UBE2H: variants seen among roughly 807,000 people sequenced by gnomAD.
UBE2H encodes ubiquitin conjugating enzyme E2 H.
UBE2H carries 3 observed loss-of-function variants against 29.0 expected under a neutral mutation model. The observed-to-expected ratio is 0.10, with a 90% CI of 0.05 to 0.27. The LOEUF is 0.27. Among genes scored for constraint, UBE2H ranks in the 10% least tolerant of loss-of-function variants. UBE2H has a pLI of 1.00. For synonymous variants in UBE2H, 69 were observed against 82.9 expected (o/e 0.83, Z 0.91); for missense variants, 68 against 228.2 (o/e 0.30, Z 4.52).
chr7:129,952,690 C>G lies in UBE2H; in HGVS notation c.-135G>C. On this transcript the variant is annotated 5_prime_UTR_variant, in exon 1 of 7. Transcript: ENST00000355621. ...CCCGCGGTCCCGGCGGTCCCGTCAG[C>G]CGCCGCCGCCGCCCCCCGCACGGGG... 1.1e-6 allele frequency: 1 copy of G among 912,106 alleles called. No homozygotes were observed. The highest frequency in any genetic ancestry group is 1.5e-6 in the Non-Finnish European group (1 of 671,432). The allele number at this position is 912,106 out of a possible 1,614,324, so 56.5% of individuals were successfully genotyped here.
At chr7:129,846,553 C>T (rs1360336358) in intron 5 of UBE2H, among the ~76,000 whole-genome samples, 1 of 92,108 alleles carries the variant, frequency 1.1e-5, no homozygotes, top group East Asian at 3.3e-4. Context: ...GCAAGACCCT[C>T]TCTCTACCAC....
chr7:129,899,621 GAT>G (rs1371347610), intron 1 of UBE2H, among the ~76,000 whole-genome samples: 4 of 152,066 alleles, frequency 2.6e-5, no homozygotes, highest in Non-Finnish European at 2.9e-5. Flanking sequence ...AACTTACTAA[GAT>G]ATGAAGCACC....
intron 1 of UBE2H, among the ~76,000 whole-genome samples, chr7:129,947,576 A>G (rs1236691665): frequency 6.6e-6 from 1 of 152,202 alleles, no homozygotes; most frequent in Non-Finnish European, 1.5e-5. Flanking sequence ...ATATTTTAAT[A>G]TTTTAGTTTT....
At chr7:129,919,100 TAAAAAAA>T (rs1204331286) in intron 1 of UBE2H, among the ~76,000 whole-genome samples, 6 of 72,186 alleles carry the variant, frequency 8.3e-5, no homozygotes, top group African/African-American at 1.9e-4. Context: ...AAAAACAAAG[TAAAAAAA>T]AAAAAAAAAA....
At chr7:129,862,947 A>C (rs1454339638) in intron 3 of UBE2H, among the ~76,000 whole-genome samples, 1 of 152,216 alleles carries the variant, frequency 6.6e-6, no homozygotes, top group Non-Finnish European at 1.5e-5. Context: ...GGAATGGCAG[A>C]TCTCAAGCAA....
chr7:129,836,260 G>A (rs1414363236), intron 6 of UBE2H, among the ~76,000 whole-genome samples: 1 of 152,122 alleles, frequency 6.6e-6, no homozygotes, highest in Non-Finnish European at 1.5e-5. Context: ...GATAAATATT[G>A]ACCTTTTTTT....
intron 5 of UBE2H, among the ~76,000 whole-genome samples, chr7:129,843,337 T>G (rs1231940325): frequency 1.4e-5 from 2 of 147,748 alleles, no homozygotes; most frequent in Non-Finnish European, 3.0e-5. Context: ...AGGTTAATGC[T>G]TACATAGTGC....
chr7:129,918,652 T>TA (rs201160914), intron 1 of UBE2H, among the ~76,000 whole-genome samples: 2 of 152,142 alleles, frequency 1.3e-5, no homozygotes, highest in Admixed American at 6.5e-5. Context: ...TATTTGACAA[T>TA]AAAAAACACC....
intron 5 of UBE2H, among the ~76,000 whole-genome samples, chr7:129,848,464 A>C (rs1326085960): frequency 6.6e-6 from 1 of 152,218 alleles, no homozygotes; most frequent in Admixed American, 6.5e-5. Flanking sequence ...AGGAAAGGAA[A>C]GAAAAATCCT....
chr7:129,950,385 C>T, intron 1 of UBE2H, among the ~76,000 whole-genome samples: 1 of 151,962 alleles, frequency 6.6e-6, no homozygotes, highest in East Asian at 1.9e-4. Context: ...ATGAAATAAG[C>T]CACTTAGGGG....
intron 5 of UBE2H, among the ~76,000 whole-genome samples, chr7:129,842,102 T>C (rs75884565): frequency 3.7e-4 from 56 of 152,340 alleles, no homozygotes; most frequent in Non-Finnish European, 6.6e-4. Flanking sequence ...AATAGATGTG[T>C]AACTTCTACT....
chr7:129,888,196 G>A (rs62491519), intron 1 of UBE2H, among the ~76,000 whole-genome samples: 10,007 of 152,210 alleles, frequency 0.066, 541 homozygotes, highest in East Asian at 0.25. Flanking sequence ...ATGAAGAGGG[G>A]GAAGCCTTTT....
chr7:129,897,490 A>C (rs1046273429), intron 1 of UBE2H, among the ~76,000 whole-genome samples: 4 of 152,222 alleles, frequency 2.6e-5, no homozygotes, highest in Non-Finnish European at 5.9e-5. Context: ...CCTTGATTTC[A>C]TAAAACTTAA....
intron 1 of UBE2H, among the ~76,000 whole-genome samples, chr7:129,891,834 C>T (rs1490483360): frequency 2.0e-5 from 3 of 151,266 alleles, no homozygotes; most frequent in Admixed American, 1.3e-4. Context: ...AAAACACACA[C>T]ACACTTTACC....
chr7:129,869,717 G>A (rs1805989451), intron 3 of UBE2H, among the ~76,000 whole-genome samples: 1 of 152,232 alleles, frequency 6.6e-6, no homozygotes, highest in African/African-American at 2.4e-5. Context: ...ATCAGGCCCT[G>A]AGTAGTGAGT....
intron 1 of UBE2H, among the ~76,000 whole-genome samples, chr7:129,926,380 A>G (rs1349683338): frequency 6.6e-6 from 1 of 151,912 alleles, no homozygotes; most frequent in African/African-American, 2.4e-5. Flanking sequence ...GTGGTGGCAC[A>G]TGCCTGTAAT....
intron 5 of UBE2H, among the ~76,000 whole-genome samples, chr7:129,846,320 C>T (rs879522214): frequency 4.6e-5 from 7 of 151,542 alleles, no homozygotes; most frequent in Admixed American, 1.3e-4. Context: ...ACAGCCTGGG[C>T]AACATAGGGA....
intron 1 of UBE2H, among the ~76,000 whole-genome samples, chr7:129,937,258 G>C (rs1174123911): frequency 6.6e-6 from 1 of 151,822 alleles, no homozygotes; most frequent in Non-Finnish European, 1.5e-5. Context: ...GAACCCAGGA[G>C]GCAGAGCTTG....
At chr7:129,940,586 C>T (rs534245460) in intron 1 of UBE2H, among the ~76,000 whole-genome samples, 2 of 152,316 alleles carry the variant, frequency 1.3e-5, no homozygotes, top group African/African-American at 4.8e-5. Flanking sequence ...ACTATTCACA[C>T]TGCCTACATA....
Sources: allele counts gnomAD v4.1 joint callset (sites outside exome capture counted in the v4.1 genomes callset), GRCh38; gene constraint gnomAD v4.1.1; transcripts MANE v1.5; gene names NCBI Gene and HGNC (gene_info 2026-07-23, HGNC 2026-07-21).